LRRC4C: variants seen among roughly 807,000 people sequenced by gnomAD.
LRRC4C encodes the protein leucine rich repeat containing 4C.
A neutral mutation model predicts 33.6 loss-of-function variants in LRRC4C; 5 were observed. The ratio of observed to expected loss-of-function variants is 0.15; its 90% confidence interval spans 0.08 to 0.31. LRRC4C has a LOEUF of 0.31. Ranked by LOEUF, LRRC4C falls within the 10% of genes least tolerant of loss-of-function variation. The probability of loss-of-function intolerance (pLI) is 1.00; values close to 1 mark genes in which losing one functional copy is unlikely to be tolerated. For missense variants in LRRC4C, 560 were observed against 796.7 expected, an observed-to-expected ratio of 0.70 and a Z score of 3.58; for synonymous variants, 329 against 302.0, an observed-to-expected ratio of 1.09 and a Z score of -0.93.
chr11:40,640,039 G>T (rs771991270), intron 3 of LRRC4C, among the ~76,000 whole-genome samples: 42 of 152,140 alleles, frequency 2.8e-4, no homozygotes, highest in Admixed American at 1.9e-3. Context: ...TATATTCTCA[G>T]TTGGCTACCT....
At chr11:40,358,846 C>G (rs1481278200) in intron 3 of LRRC4C, among the ~76,000 whole-genome samples, 1 of 152,098 alleles carries the variant, frequency 6.6e-6, no homozygotes, top group Non-Finnish European at 1.5e-5. Flanking sequence ...ACCAAGGAAG[C>G]TATTCATTCA....
chr11:40,206,123 A>C (rs1863127410), intron 5 of LRRC4C, among the ~76,000 whole-genome samples: 1 of 152,218 alleles, frequency 6.6e-6, no homozygotes, highest in South Asian at 2.1e-4. Flanking sequence ...TATAGTGCCT[A>C]ACACATCATA....
intron 6 of LRRC4C, among the ~76,000 whole-genome samples, chr11:40,122,590 G>A (rs528985969): frequency 1.0e-3 from 158 of 152,206 alleles, no homozygotes; most frequent in African/African-American, 3.5e-3. Context: ...CTCACAGACA[G>A]TGCCAAACTT....
At chr11:41,440,672 C>T (rs1002468173) in intron 1 of LRRC4C, among the ~76,000 whole-genome samples, 9 of 152,026 alleles carry the variant, frequency 5.9e-5, no homozygotes, top group African/African-American at 1.7e-4. Flanking sequence ...CCATGTGTCA[C>T]GGGAGGGACC....
intron 1 of LRRC4C, among the ~76,000 whole-genome samples, chr11:40,933,955 G>T (rs1329328388): frequency 6.6e-6 from 1 of 152,090 alleles, no homozygotes; most frequent in East Asian, 1.9e-4. Context: ...ACAATATTTG[G>T]TTCTGAGAAA....
chr11:40,125,378 T>TGGAAA (rs1414926410), intron 6 of LRRC4C, among the ~76,000 whole-genome samples: 3 of 151,986 alleles, frequency 2.0e-5, no homozygotes, highest in Non-Finnish European at 4.4e-5. Context: ...AATGAAAAAA[T>TGGAAA]GGAAAGAACT....
chr11:41,093,812 C>A (rs912820049), intron 1 of LRRC4C, among the ~76,000 whole-genome samples: 1 of 151,626 alleles, frequency 6.6e-6, no homozygotes, highest in African/African-American at 2.4e-5. Flanking sequence ...AACAGACCGG[C>A]CGGGCCCGGT....
intron 4 of LRRC4C, among the ~76,000 whole-genome samples, chr11:40,299,152 T>C (rs1362006018): frequency 6.6e-6 from 1 of 152,182 alleles, no homozygotes; most frequent in Non-Finnish European, 1.5e-5. Flanking sequence ...GGAAAGAAAA[T>C]GTCCACATTA....
chr11:40,393,656 G>A (rs1230146113), intron 3 of LRRC4C, among the ~76,000 whole-genome samples: 1 of 152,124 alleles, frequency 6.6e-6, no homozygotes, highest in Non-Finnish European at 1.5e-5. Context: ...AACTCCCAAA[G>A]AGTAACATCA....
At chr11:41,290,167 T>C (rs1001588110) in intron 1 of LRRC4C, among the ~76,000 whole-genome samples, 1 of 151,912 alleles carries the variant, frequency 6.6e-6, no homozygotes. Flanking sequence ...TAAATAAGAG[T>C]GAAAGATTTC....
chr11:41,152,404 T>A (rs571083761), intron 1 of LRRC4C, among the ~76,000 whole-genome samples: 1 of 152,270 alleles, frequency 6.6e-6, no homozygotes, highest in Non-Finnish European at 1.5e-5. Context: ...GGTTACAAAA[T>A]CTGAAATTCA....
chr11:40,735,276 G>A (rs1437529264), intron 2 of LRRC4C, among the ~76,000 whole-genome samples: 3 of 151,804 alleles, frequency 2.0e-5, no homozygotes, highest in East Asian at 1.9e-4. Context: ...TCGTCATTTA[G>A]CATTAGGTAT....
At chr11:41,056,025 G>A (rs1196777769) in intron 1 of LRRC4C, among the ~76,000 whole-genome samples, 1 of 152,112 alleles carries the variant, frequency 6.6e-6, no homozygotes, top group Non-Finnish European at 1.5e-5. Context: ...TTAGTTACAT[G>A]TACACAAGAT....
chr11:40,638,770 GTTTT>G (rs34192633), intron 3 of LRRC4C, among the ~76,000 whole-genome samples: 3 of 138,850 alleles, frequency 2.2e-5, no homozygotes, highest in Non-Finnish European at 4.7e-5. Flanking sequence ...AATTGGTCGA[GTTTT>G]TTTTTTTTTT....
intron 1 of LRRC4C, among the ~76,000 whole-genome samples, chr11:41,258,972 G>A (rs184991441): frequency 1.2e-3 from 178 of 152,092 alleles, no homozygotes; most frequent in African/African-American, 4.0e-3. Flanking sequence ...AAGCAACATG[G>A]CTTAGAAGTT....
intron 3 of LRRC4C, among the ~76,000 whole-genome samples, chr11:40,355,543 G>A (rs557640330): frequency 2.0e-5 from 3 of 152,158 alleles, no homozygotes; most frequent in Admixed American, 6.6e-5. Flanking sequence ...TGATATAAAC[G>A]CTCCCTCCAT....
intron 2 of LRRC4C, among the ~76,000 whole-genome samples, chr11:40,897,936 T>C (rs963203323): frequency 2.6e-5 from 4 of 152,208 alleles, no homozygotes; most frequent in East Asian, 1.9e-4. Context: ...GAAGAATATA[T>C]TTTGCTTGTT....
intron 5 of LRRC4C, among the ~76,000 whole-genome samples, chr11:40,188,352 A>G (rs1286057755): frequency 2.6e-5 from 4 of 152,148 alleles, no homozygotes; most frequent in Admixed American, 2.0e-4. Flanking sequence ...ACTACAGAGG[A>G]CTCATGTGAA....
intron 3 of LRRC4C, among the ~76,000 whole-genome samples, chr11:40,377,360 A>G (rs1948700421): frequency 6.6e-6 from 1 of 152,160 alleles, no homozygotes; most frequent in South Asian, 2.1e-4. Flanking sequence ...TATGAAGAAA[A>G]TGATTATTAG....
Sources: allele counts gnomAD v4.1 joint callset (sites outside exome capture counted in the v4.1 genomes callset), GRCh38; gene constraint gnomAD v4.1.1; transcripts MANE v1.5; gene names NCBI Gene and HGNC (gene_info 2026-07-23, HGNC 2026-07-21).